The following POFUT2 variants were observed in gnomAD, a reference collection of about 807,000 sequenced individuals.
POFUT2 encodes the protein protein O-fucosyltransferase 2.
A neutral mutation model predicts 55.0 loss-of-function variants in POFUT2; 30 were observed. That is an observed-to-expected ratio of 0.55 (90% CI 0.41 to 0.74). POFUT2 has a LOEUF of 0.74. Among genes scored for constraint, POFUT2 ranks in the 30% least tolerant of loss-of-function variants. The pLI, the probability that POFUT2 is intolerant of heterozygous loss-of-function variation, is 0.00. For synonymous variants in POFUT2, 267 were observed against 231.1 expected (o/e 1.16, Z -1.41); for missense variants, 524 against 562.6 (o/e 0.93, Z 0.69).
In POFUT2 at chr21:45,270,494, G is replaced by A. The variant is rs2093209374; in HGVS notation, c.832-475C>T. ...AACCAACAACCCTGCTCCAAGGAAG[G>A]AGAAAGCAACAGCTAATCCCACCAC... On this transcript the variant is annotated intron_variant, in intron 6 of 8. Coordinates refer to ENST00000349485, the MANE Select transcript of POFUT2 (RefSeq NM_133635.6). This position sits in a 1 kb window ranked among gnomAD's most constrained non-coding sequence, Gnocchi z 4.6. Among the ~76,000 whole-genome samples, 1 of 152,238 alleles carries A rather than the reference G, an allele frequency of 6.6e-6. No individual in the cohort carries two copies. Among genetic ancestry groups the A allele is most frequent in the Admixed American group, 6.5e-5 (1 of 15,288 alleles).
chr21:45,287,894 C>T lies in POFUT2; in HGVS notation c.-23G>A. 2 of 1,302,304 alleles carry T rather than the reference C, an allele frequency of 1.5e-6. No individual in the cohort carries two copies. The highest frequency in any genetic ancestry group is 2.0e-6 in the Non-Finnish European group (2 of 1,018,970). 80.7% of individuals were successfully genotyped at this position (1,302,304 alleles called of 1,614,324 possible). On this transcript the variant is annotated 5_prime_UTR_variant, in exon 1 of 9. Transcript: ENST00000349485. ...CATGGCCCCGGGCGGCCACGCACTT[C>T]CGGCGGCCGCGCCCCGCCCCGGAAC...
At chr21:45,280,402 G>A (rs2030472094) in intron 4 of POFUT2, among the ~76,000 whole-genome samples, 1 of 152,178 alleles carries the variant, frequency 6.6e-6, no homozygotes, top group Non-Finnish European at 1.5e-5. Flanking sequence ...GTGGCTGAGG[G>A]GTGCACGTGT....
chr21:45,267,240 A>G lies in POFUT2; in HGVS notation c.1136+350T>C. The G allele has an allele frequency of 7.0e-7, 1 of 1,427,220 alleles. No individual in the cohort carries two copies. 88.4% of individuals were successfully genotyped at this position (1,427,220 alleles called of 1,614,324 possible). On this transcript the variant is annotated intron_variant, in intron 8 of 8. Transcript: ENST00000349485. This position sits in a 1 kb window ranked among gnomAD's most constrained non-coding sequence, Gnocchi z 4.4. Reference sequence around the variant, plus strand: ...ACAACACAGCAACAAGGACATGCCCAAGTCCAGGGCACGGGCAACTCTCAG... The same window carrying G: ...ACAACACAGCAACAAGGACATGCCCGAGTCCAGGGCACGGGCAACTCTCAG...
Position 45,281,528 on chromosome 21 carries a change from G to C in POFUT2, c.638+821C>G, listed in dbSNP as rs1353722125. On this transcript the variant is annotated intron_variant, in intron 4 of 8. Transcript: ENST00000349485. This position sits in a 1 kb window ranked among gnomAD's most constrained non-coding sequence, Gnocchi z 5.0. ...AGCTGAGACCATGTGGTCCCGGCCC[G>C]CTGGGGCCAGCGGCAGCTGTTACTG... 6.6e-6 allele frequency among the ~76,000 whole-genome samples: 1 copy of C among 152,136 alleles called. No homozygotes were observed. The highest frequency in any genetic ancestry group is 2.4e-5 in the African/African-American group (1 of 41,434).
chr21:45,276,800 C>T (rs1361418982), intron 6 of POFUT2, among the ~76,000 whole-genome samples: 1 of 152,128 alleles, frequency 6.6e-6, no homozygotes, highest in African/African-American at 2.4e-5. Context: ...AAAGCCAGGC[C>T]GAGTGACTCC....
At chr21:45,268,073 C>T (rs983147678) in intron 7 of POFUT2, among the ~76,000 whole-genome samples, 3 of 152,080 alleles carry the variant, frequency 2.0e-5, no homozygotes, top group East Asian at 1.9e-4. Flanking sequence ...GCTGCCATCT[C>T]GGCTCACTGC....
At chr21:45,279,133 T>C (rs2030222427) in intron 4 of POFUT2, among the ~76,000 whole-genome samples, 1 of 152,210 alleles carries the variant, frequency 6.6e-6, no homozygotes, top group Non-Finnish European at 1.5e-5. Flanking sequence ...GGCTCACGCC[T>C]CTAATCCCAG....
chr21:45,283,410 T>A lies in POFUT2; in HGVS notation c.500A>T (p.Tyr167Phe). 1 of 1,608,020 alleles carries A rather than the reference T, an allele frequency of 6.2e-7. No homozygotes were observed. Among genetic ancestry groups the A allele is most frequent in the Non-Finnish European group, 8.5e-7 (1 of 1,178,134 alleles). ...GTAGTACTCGTGCTTGTCCTGGGAG[T>A]ACAGGAGCTGATCAATACACGGCCG... is the stretch of plus-strand genomic sequence containing the variant. ...DERPCIDQLL[Y>F]SQDKHEYYRG... The change falls in exon 3 of 9, where the codon TAC (tyrosine) becomes TTC (phenylalanine). Residue 167 changes from tyrosine (Y) to phenylalanine (F), a missense_variant. By Grantham distance (22) the Tyr-to-Phe change is conservative. Around this residue, in one of 2 missense-constraint regions of POFUT2, gnomAD observed 274 missense variants for 244.4 expected, o/e 1.12. Coordinates refer to ENST00000349485, the MANE Select transcript of POFUT2 (RefSeq NM_133635.6).
chr21:45,278,476 A>T (rs893843069), intron 4 of POFUT2, among the ~76,000 whole-genome samples: 3 of 152,240 alleles, frequency 2.0e-5, no homozygotes, highest in Non-Finnish European at 4.4e-5. Context: ...TCCAGGATCC[A>T]CCGACGGCTA....
chr21:45,285,832 C>T lies in POFUT2; in HGVS notation c.228G>A (p.Thr76=), dbSNP rs2031337015. The change falls in exon 2 of 9, where the codon ACG becomes ACA. Residue 76 remains threonine (T), a synonymous_variant. Transcript: ENST00000349485. The surrounding 1 kb of genome is among the most constrained non-coding windows in gnomAD (Gnocchi z 4.9). The part of the protein sequence containing the change: ...IASLLKTLLK[T]EEWVLVLPPW... The stretch of plus-strand genomic sequence containing the variant: ...GAGGCAGGACAAGCACCCACTCCTC[C>T]GTCTTCAGCAGAGTCTTCAGGAGAG... 4.3e-6 allele frequency: 7 copies of T among 1,613,506 alleles called. No individual in the cohort carries two copies. Among genetic ancestry groups the T allele is most frequent in the South Asian group, 1.1e-5 (1 of 91,078 alleles).
At chr21:45,276,201 AAAAC>A (rs1364196722) in intron 6 of POFUT2, among the ~76,000 whole-genome samples, 1 of 151,576 alleles carries the variant, frequency 6.6e-6, no homozygotes, top group African/African-American at 2.4e-5. Flanking sequence ...AACGAAAACA[AAAAC>A]AAATTAATTA....
intron 6 of POFUT2, among the ~76,000 whole-genome samples, chr21:45,272,950 A>G (rs1366101796): frequency 2.0e-5 from 3 of 152,222 alleles, no homozygotes; most frequent in African/African-American, 7.2e-5. Context: ...AAAAAATCTG[A>G]AAGAGCACAG....
chr21:45,282,485 C>T lies in POFUT2; in HGVS notation c.528-26G>A. 1 of 1,347,214 alleles carries T rather than the reference C, an allele frequency of 7.4e-7. No homozygotes were observed. The highest frequency in any genetic ancestry group is 1.1e-6 in the Non-Finnish European group (1 of 938,222). The allele number at this position is 1,347,214 out of a possible 1,614,324, so 83.5% of individuals were successfully genotyped here. A position where few individuals can be genotyped will look rare whatever the true frequency, so the allele number is the denominator to read the frequency against. ...CTGGAAAACAAAACCCACAGCAGCT[C>T]TATCAGTTTATTTTGCTTTCACAAG... On this transcript the variant is annotated intron_variant, in intron 3 of 8. Transcript: ENST00000349485. The surrounding 1 kb of genome is among the most constrained non-coding windows in gnomAD (Gnocchi z 4.6).
Position 45,277,217 on chromosome 21 carries a change from C to A in POFUT2, c.706-75G>T. ...GCCCTCCCGGAGCGGGTTCTCCTGT[C>A]GCTGCCACCACCCACCCCCGCAGCT... On this transcript the variant is annotated intron_variant, in intron 5 of 8. Coordinates refer to ENST00000349485, the MANE Select transcript of POFUT2 (RefSeq NM_133635.6). This position sits in a 1 kb window ranked among gnomAD's most constrained non-coding sequence, Gnocchi z 6.9. The A allele has an allele frequency of 6.4e-7, 1 of 1,559,242 alleles. No homozygotes were observed. The highest frequency in any genetic ancestry group is 8.7e-7 in the Non-Finnish European group (1 of 1,153,934).
rs2031019945 is a variant in POFUT2 at position 45,283,528 on chromosome 21, C to T, written c.383-1G>A. On this transcript the variant is annotated splice_acceptor_variant, in intron 2 of 8. Coordinates refer to ENST00000349485, the MANE Select transcript of POFUT2 (RefSeq NM_133635.6). LOFTEE classifies it high-confidence loss of function. Reference sequence around the variant, plus strand: ...TGGTCAATAAAGGGCCCACCAGATTCTGAAAGACACCAAGAAAAGCCAGGC... The same window carrying T: ...TGGTCAATAAAGGGCCCACCAGATTTTGAAAGACACCAAGAAAAGCCAGGC... 6.2e-7 allele frequency: 1 copy of T among 1,613,268 alleles called. No individual in the cohort carries two copies. Among genetic ancestry groups the T allele is most frequent in the Admixed American group, 1.7e-5 (1 of 59,856 alleles).
At position 45,277,199 on chromosome 21, in the gene POFUT2, C is replaced by A; in HGVS notation, c.706-57G>T. On this transcript the variant is annotated intron_variant, in intron 5 of 8. Coordinates refer to ENST00000349485, the MANE Select transcript of POFUT2 (RefSeq NM_133635.6). This position sits in a 1 kb window ranked among gnomAD's most constrained non-coding sequence, Gnocchi z 6.9. ...ACGCCCGCCCGCCACGCAGCCCTCCCGGAGCGGGTTCTCCTGTCGCTGCCA... is the reference window on the plus strand; with the variant it reads ...ACGCCCGCCCGCCACGCAGCCCTCCAGGAGCGGGTTCTCCTGTCGCTGCCA... 1.3e-6 allele frequency: 2 copies of A among 1,587,186 alleles called. No individual in the cohort carries two copies. The highest frequency in any genetic ancestry group is 2.2e-5 in the South Asian group (2 of 89,386).
At chr21:45,286,869 T>C (rs913489370) in intron 1 of POFUT2, among the ~76,000 whole-genome samples, 1 of 152,212 alleles carries the variant, frequency 6.6e-6, no homozygotes, top group Non-Finnish European at 1.5e-5. Flanking sequence ...CGGGGTCCGC[T>C]TGGAGATCCC....
In POFUT2 at chr21:45,267,413, C is replaced by T. The variant is rs962655446; in HGVS notation, c.1136+177G>A. 7 of 1,607,466 alleles carry T rather than the reference C, an allele frequency of 4.4e-6. No individual in the cohort carries two copies. The African/African-American group carries it at 9.4e-5, about 22-fold the overall frequency. ...AAGGGGCAAGATGAACAATTAACTT[C>T]AGCCCAGGGAAACACTGAACCAGAT... On this transcript the variant is annotated intron_variant, in intron 8 of 8. Transcript: ENST00000349485. The surrounding 1 kb of genome is among the most constrained non-coding windows in gnomAD (Gnocchi z 4.4).
At chr21:45,274,539 T>C (rs1350618549) in intron 6 of POFUT2, among the ~76,000 whole-genome samples, 1 of 152,074 alleles carries the variant, frequency 6.6e-6, no homozygotes, top group Non-Finnish European at 1.5e-5. Flanking sequence ...AATCTGGAAG[T>C]ACACAATACT....
Sources: gnomAD v4.1 joint callset for allele counts (sites outside exome capture counted in the v4.1 genomes callset) on GRCh38, gnomAD v4.1.1 for gene constraint, gnomAD v4.1.1 regional missense constraint, Gnocchi (gnomAD v3.1) non-coding constraint, MANE v1.5 for transcripts, NCBI Gene and HGNC (gene_info 2026-07-23, HGNC 2026-07-21) for gene names.